The following PEPD variants were observed in gnomAD, a reference collection of about 807,000 sequenced individuals.
The protein encoded by PEPD is peptidase D.
Under a neutral mutation model 60.7 loss-of-function variants are expected in PEPD, and 53 were observed. That is an observed-to-expected ratio of 0.87 (90% CI 0.70 to 1.10). The LOEUF (loss-of-function observed/expected upper bound fraction) is 1.10, where lower values mean the gene tolerates loss of function less well. PEPD is among the 50% of genes least tolerant of loss of function. The pLI is 0.00. For synonymous variants in PEPD, 267 were observed against 284.1 expected (o/e 0.94, Z 0.60); for missense variants, 711 against 711.9 (o/e 1.00, Z 0.01).
At chr19:33,405,810 T>A (rs1469873844) in intron 11 of PEPD, among the ~76,000 whole-genome samples, 2 of 152,182 alleles carry the variant, frequency 1.3e-5, no homozygotes, top group Non-Finnish European at 2.9e-5. Context: ...TGCCCCCTTT[T>A]CGTGTGACGG....
At chr19:33,408,471 C>G (rs577204532) in intron 11 of PEPD, among the ~76,000 whole-genome samples, 7 of 152,228 alleles carry the variant, frequency 4.6e-5, no homozygotes, top group Non-Finnish European at 8.8e-5. Context: ...GTGTGTGTAT[C>G]CATGTGTGTG....
chr19:33,436,522 G>A lies in PEPD; in HGVS notation c.672-22879C>T, dbSNP rs370827630. ...AGTTCCTGCCTGGCAGGCCGCACTCGAGAGACCCACCCCACTCCCCTGCAG... is the reference window on the plus strand; with the variant it reads ...AGTTCCTGCCTGGCAGGCCGCACTCAAGAGACCCACCCCACTCCCCTGCAG... On this transcript the variant is annotated intron_variant, in intron 9 of 14. Coordinates refer to ENST00000244137, the MANE Select transcript of PEPD (RefSeq NM_000285.4). Among the ~76,000 whole-genome samples, 425 of 152,324 alleles carry A rather than the reference G, an allele frequency of 2.8e-3. 1 individual carries two copies. The highest frequency in any genetic ancestry group is 9.4e-3 in the African/African-American group (389 of 41,588).
At chr19:33,403,214 G>A (rs766667539) in intron 11 of PEPD, among the ~76,000 whole-genome samples, 7 of 152,340 alleles carry the variant, frequency 4.6e-5, no homozygotes, top group Admixed American at 6.5e-5. Context: ...GACACAGAGC[G>A]GAACCCTCGG....
chr19:33,456,038 C>T (rs914043196), intron 9 of PEPD, among the ~76,000 whole-genome samples: 4 of 152,214 alleles, frequency 2.6e-5, no homozygotes. Context: ...CTCTGTCCAG[C>T]TTTCTGGCTG....
At chr19:33,488,822 G>T (rs1266744593) in intron 6 of PEPD, among the ~76,000 whole-genome samples, 1 of 152,112 alleles carries the variant, frequency 6.6e-6, no homozygotes, top group Non-Finnish European at 1.5e-5. Context: ...TTATAAGGCG[G>T]TTCCTCCATC....
intron 9 of PEPD, among the ~76,000 whole-genome samples, chr19:33,443,202 A>AAC (rs1309199341): frequency 6.6e-6 from 1 of 152,222 alleles, no homozygotes; most frequent in African/African-American, 2.4e-5. Context: ...TCTGTCACTG[A>AAC]ACACCATGTT....
chr19:33,411,726 T>C lies in PEPD; in HGVS notation c.764A>G (p.His255Arg). Residue 255 changes from histidine (H) to arginine (R), a missense_variant, in exon 11 of 15, where the codon CAC becomes CGC. Physicochemically the swap from His to Arg is conservative, Grantham distance 29. Coordinates refer to ENST00000244137, the MANE Select transcript of PEPD (RefSeq NM_000285.4). ...CGSGENSAVLHYGHAGAPNDR... is the reference protein window; with the variant it reads ...CGSGENSAVLRYGHAGAPNDR... ...GTTGGGAGCTCCGGCGTGTCCGTAG[T>C]GTAGCACGGCTGAGTTCTCACCACT... 6.2e-7 allele frequency: 1 copy of C among 1,610,462 alleles called. No homozygotes were observed. The highest frequency in any genetic ancestry group is 8.5e-7 in the Non-Finnish European group (1 of 1,177,044).
At chr19:33,452,660 T>C (rs1009759474) in intron 9 of PEPD, among the ~76,000 whole-genome samples, 19 of 152,160 alleles carry the variant, frequency 1.2e-4, no homozygotes, top group African/African-American at 4.3e-4. Context: ...TATATGAGAA[T>C]AAAATTGGTT....
chr19:33,470,164 G>C (rs1970097050), intron 7 of PEPD, among the ~76,000 whole-genome samples: 1 of 151,224 alleles, frequency 6.6e-6, no homozygotes, highest in South Asian at 2.1e-4. Context: ...CCTCCCTCAG[G>C]CCCCCCCATT....
intron 3 of PEPD, among the ~76,000 whole-genome samples, chr19:33,504,981 A>G (rs1970772890): frequency 6.6e-6 from 1 of 152,074 alleles, no homozygotes; most frequent in South Asian, 2.1e-4. Context: ...CAGTCCCCGG[A>G]GTCAAAGCCC....
intron 13 of PEPD, chr19:33,388,322 A>T (rs1387364818): frequency 3.0e-6 from 2 of 667,418 alleles, no homozygotes; most frequent in Non-Finnish European, 5.5e-6. Flanking sequence ...CTTGCTTGAG[A>T]AGCCCTGTGG....
intron 9 of PEPD, among the ~76,000 whole-genome samples, chr19:33,436,510 C>G (rs1021636748): frequency 2.6e-5 from 4 of 152,240 alleles, no homozygotes; most frequent in Non-Finnish European, 5.9e-5. Flanking sequence ...TCCTGCCTGG[C>G]AGGCCGCACT....
chr19:33,509,200 G>A (rs1970873354), intron 3 of PEPD, among the ~76,000 whole-genome samples: 3 of 152,264 alleles, frequency 2.0e-5, no homozygotes. Flanking sequence ...AGGATGGGAA[G>A]GCATTGTCAG....
intron 9 of PEPD, among the ~76,000 whole-genome samples, chr19:33,437,059 C>A (rs1051986770): frequency 2.0e-5 from 3 of 152,110 alleles, no homozygotes; most frequent in Admixed American, 2.0e-4. Flanking sequence ...GGCAGAGCAG[C>A]CAGTGCTCCA....
chr19:33,410,735 C>G (rs1355370034), intron 11 of PEPD, among the ~76,000 whole-genome samples: 2 of 152,150 alleles, frequency 1.3e-5, no homozygotes, highest in Non-Finnish European at 2.9e-5. Flanking sequence ...GAAAGGGCAC[C>G]AAAGAACTGG....
At chr19:33,469,887 C>T (rs73926515) in intron 7 of PEPD, among the ~76,000 whole-genome samples, 6,929 of 151,596 alleles carry the variant, frequency 0.046, 536 homozygotes, top group African/African-American at 0.16. Context: ...CCCCATCATG[C>T]TGCCAGCCCT....
At chr19:33,487,659 C>A (rs970924830) in intron 6 of PEPD, among the ~76,000 whole-genome samples, 1 of 152,166 alleles carries the variant, frequency 6.6e-6, no homozygotes, top group Non-Finnish European at 1.5e-5. Flanking sequence ...CCAGTCAGCC[C>A]CAGCCTGGCC....
At chr19:33,420,201 C>T (rs1369952035) in intron 9 of PEPD, among the ~76,000 whole-genome samples, 3 of 114 alleles carry the variant, frequency 0.026, no homozygotes, top group Admixed American at 0.17. Flanking sequence ...TCTCCTTCTC[C>T]GTCCCCAAGC....
chr19:33,493,291 A>G lies in PEPD; in HGVS notation c.440T>C (p.Leu147Ser). ...CACCCCTGGACACCAGCCACTTACC[A>G]AAGTGAGGAGGACAGAGGGCTTCTG... ...TSQKPSVLLT[L>S]RGVNTDSGSV... Residue 147 changes from leucine to serine, a missense_variant and splice_region_variant, in exon 5 of 15, where the codon TTG (leucine) becomes TCG (serine). Coordinates refer to ENST00000244137, the MANE Select transcript of PEPD (RefSeq NM_000285.4). 1 of 1,611,836 alleles carries G rather than the reference A, an allele frequency of 6.2e-7. No homozygotes were observed. Among genetic ancestry groups the G allele is most frequent in the Non-Finnish European group, 8.5e-7 (1 of 1,178,120 alleles).
Sources: gnomAD v4.1 joint callset for allele counts (sites outside exome capture counted in the v4.1 genomes callset) on GRCh38, gnomAD v4.1.1 for gene constraint, MANE v1.5 for transcripts, NCBI Gene and HGNC (gene_info 2026-07-23, HGNC 2026-07-21) for gene names.